Variants in ZFHX3 observed in about 807,000 individuals in gnomAD.
The protein encoded by ZFHX3 is zinc finger homeobox protein 3.
A neutral mutation model predicts 279.1 loss-of-function variants in ZFHX3; 42 were observed. The ratio of observed to expected loss-of-function variants is 0.15; its 90% confidence interval spans 0.12 to 0.19. The LOEUF (loss-of-function observed/expected upper bound fraction) is 0.19. ZFHX3 is among the 10% of genes least tolerant of loss of function. ZFHX3 has a pLI of 1.00. For missense variants in ZFHX3, 4,981 were observed against 4,754.0 expected, an observed-to-expected ratio of 1.05 and a Z score of -1.40; for synonymous variants, 2,293 against 1,957.8, an observed-to-expected ratio of 1.17 and a Z score of -4.52.
intron 4 of ZFHX3, among the ~76,000 whole-genome samples, chr16:72,872,837 G>C (rs1453398887): frequency 6.6e-6 from 1 of 152,162 alleles, no homozygotes; most frequent in East Asian, 1.9e-4. Context: ...TGGGGGATGG[G>C]CAAAACTAGA....
chr16:73,305,395 G>A (rs1012029597), intron 4 of ZFHX3, among the ~76,000 whole-genome samples: 3 of 152,098 alleles, frequency 2.0e-5, no homozygotes, highest in African/African-American at 7.2e-5. Context: ...TAAGATACCG[G>A]GCAATCAGTC....
intron 4 of ZFHX3, among the ~76,000 whole-genome samples, chr16:73,279,060 C>T (rs937221320): frequency 1.3e-5 from 2 of 152,210 alleles, no homozygotes; most frequent in African/African-American, 4.8e-5. Context: ...TAATCTTAAA[C>T]TTCCGGTCTA....
intron 1 of ZFHX3, among the ~76,000 whole-genome samples, chr16:73,771,890 T>G (rs1482948263): frequency 6.6e-6 from 1 of 152,100 alleles, no homozygotes; most frequent in Non-Finnish European, 1.5e-5. Context: ...ACCCTGAAAG[T>G]ATTTATAGAC....
chr16:72,802,758 C>T (rs931129712), intron 7 of ZFHX3, among the ~76,000 whole-genome samples: 2 of 152,150 alleles, frequency 1.3e-5, no homozygotes, highest in African/African-American at 4.8e-5. Context: ...CAGACACTAA[C>T]GTTCCCTTTG....
At chr16:73,366,476 A>T (rs981728013) in intron 3 of ZFHX3, among the ~76,000 whole-genome samples, 4 of 151,956 alleles carry the variant, frequency 2.6e-5, no homozygotes, top group African/African-American at 9.7e-5. Context: ...TCACACTGAT[A>T]GTCCCAGTAG....
intron 3 of ZFHX3, among the ~76,000 whole-genome samples, chr16:73,439,574 G>A (rs923250712): frequency 2.0e-5 from 3 of 152,102 alleles, no homozygotes; most frequent in Non-Finnish European, 4.4e-5. Flanking sequence ...TGTATGAAAA[G>A]CAGACTGCAA....
chr16:73,238,054 A>G (rs2013008917), intron 5 of ZFHX3, among the ~76,000 whole-genome samples: 1 of 152,192 alleles, frequency 6.6e-6, no homozygotes, highest in African/African-American at 2.4e-5. Flanking sequence ...CATTGTATTC[A>G]GTGACCACTC....
intron 3 of ZFHX3, among the ~76,000 whole-genome samples, chr16:72,930,502 G>T (rs117289604): frequency 0.031 from 4,714 of 152,148 alleles, 85 homozygotes; most frequent in South Asian, 0.078. Flanking sequence ...AAAGTATCTC[G>T]AGGCCCAAAG....
intron 1 of ZFHX3, among the ~76,000 whole-genome samples, chr16:73,716,173 T>C (rs1193469902): frequency 6.6e-6 from 1 of 152,134 alleles, no homozygotes; most frequent in African/African-American, 2.4e-5. Flanking sequence ...CTTCCATTTC[T>C]TTTGCAGTTT....
intron 2 of ZFHX3, among the ~76,000 whole-genome samples, chr16:73,509,953 C>G (rs1250105685): frequency 6.6e-6 from 1 of 152,164 alleles, no homozygotes; most frequent in African/African-American, 2.4e-5. Flanking sequence ...GTCTCAGCGT[C>G]CTAAAGTTCT....
At chr16:72,979,611 G>T (rs74906037) in intron 1 of ZFHX3, among the ~76,000 whole-genome samples, 1,846 of 152,254 alleles carry the variant, frequency 0.012, 18 homozygotes, top group Non-Finnish European at 0.02. Flanking sequence ...ACAAAGCAAA[G>T]AATATATAAG....
At chr16:73,430,425 C>T (rs931760418) in intron 3 of ZFHX3, among the ~76,000 whole-genome samples, 3 of 152,218 alleles carry the variant, frequency 2.0e-5, no homozygotes, top group African/African-American at 4.8e-5. Flanking sequence ...ACCTCAGCTA[C>T]ACCACACCCA....
chr16:73,637,230 CTTTTTTTTTT>C lies in ZFHX3; in HGVS notation c.-1547+42940_-1547+42949del, dbSNP rs1215790905. 4.3e-3 allele frequency among the ~76,000 whole-genome samples: 529 copies of C among 121,666 alleles called. 2 individuals carry two copies. The highest frequency in any genetic ancestry group is 0.014 in the African/African-American group (461 of 32,712). 79.8% of individuals were successfully genotyped at this position (121,666 alleles called of 152,430 possible). A position where few individuals can be genotyped will look rare whatever the true frequency, so the allele number is the denominator to read the frequency against. On this transcript the variant is annotated intron_variant, in intron 2 of 17. Transcript: ENST00000641206. ...GTTAAAACCATATTTTTTTTTTGTT[CTTTTTTTTTT>C]TTTTTTTTTGAGACAGAATCTTGGT...
intron 4 of ZFHX3, among the ~76,000 whole-genome samples, chr16:72,867,399 G>C (rs1232014311): frequency 1.3e-5 from 2 of 152,204 alleles, no homozygotes; most frequent in Non-Finnish European, 2.9e-5. Context: ...AGGAAGATGA[G>C]AACGATTTTA....
chr16:73,701,249 T>C (rs570295612), intron 1 of ZFHX3, among the ~76,000 whole-genome samples: 2 of 152,238 alleles, frequency 1.3e-5, no homozygotes, highest in Non-Finnish European at 2.9e-5. Context: ...TTTCTTGTCG[T>C]TATTGTTATT....
chr16:73,215,908 C>T (rs765058620), intron 5 of ZFHX3, among the ~76,000 whole-genome samples: 14 of 151,964 alleles, frequency 9.2e-5, no homozygotes, highest in Non-Finnish European at 2.1e-4. Context: ...TATGTGTATG[C>T]TGGGTCTACA....
At chr16:73,639,554 C>T (rs1048935766) in intron 2 of ZFHX3, among the ~76,000 whole-genome samples, 1 of 152,120 alleles carries the variant, frequency 6.6e-6, no homozygotes, top group Non-Finnish European at 1.5e-5. Context: ...TACTGAGTTG[C>T]ACTGAGAGTC....
chr16:72,859,911 G>A (rs1046675165), intron 4 of ZFHX3, among the ~76,000 whole-genome samples: 14 of 152,140 alleles, frequency 9.2e-5, no homozygotes, highest in African/African-American at 2.9e-4. Flanking sequence ...CCCCCAGGCC[G>A]TAAGACAGGC....
At chr16:73,202,043 A>C (rs1202060381) in intron 5 of ZFHX3, among the ~76,000 whole-genome samples, 1 of 151,544 alleles carries the variant, frequency 6.6e-6, no homozygotes, top group African/African-American at 2.4e-5. Context: ...TGGGAAGAAC[A>C]TTTTTTTTTA....
Sources: allele counts gnomAD v4.1 joint callset (sites outside exome capture counted in the v4.1 genomes callset), GRCh38; gene constraint gnomAD v4.1.1; transcripts MANE v1.5; gene names NCBI Gene and HGNC (gene_info 2026-07-23, HGNC 2026-07-21).